UGT2A2: variants seen among roughly 807,000 people sequenced by gnomAD.
UGT2A2 encodes UDP-glucuronosyltransferase 2A2.
UGT2A2 carries 60 observed loss-of-function variants against 50.7 expected under a neutral mutation model. That is an observed-to-expected ratio of 1.18 (90% CI 0.96 to 1.47). The LOEUF is 1.47. Ranked by LOEUF, UGT2A2 falls within the 40% of genes most tolerant of loss-of-function variation. The pLI is 0.00. For missense variants in UGT2A2, 762 were observed against 634.0 expected, an observed-to-expected ratio of 1.20 and a Z score of -2.17; for synonymous variants, 242 against 214.6, an observed-to-expected ratio of 1.13 and a Z score of -1.11.
At chr4:69,598,470 C>A (rs1719065362) in intron 2 of UGT2A2, among the ~76,000 whole-genome samples, 1 of 152,040 alleles carries the variant, frequency 6.6e-6, no homozygotes, top group African/African-American at 2.4e-5. Flanking sequence ...TTGTAGCATA[C>A]AATTTCCTTC....
Position 69,599,291 on chromosome 4 carries a change from C to T in UGT2A2, c.846G>A (p.Glu282=). The change falls in exon 2 of 6, where the codon GAG becomes GAA. Residue 282 remains glutamate, a synonymous_variant. Coordinates refer to ENST00000604629, the MANE Select transcript of UGT2A2 (RefSeq NM_001105677.2). ...EFPRPYLPNF[E]FVGGLHCKPA... ...GTTTGCAGTGCAATCCTCCAACAAACTCAAAATTAGGTAAGTATGGACGAG... is the reference window on the plus strand; with the variant it reads ...GTTTGCAGTGCAATCCTCCAACAAATTCAAAATTAGGTAAGTATGGACGAG... The T allele has an allele frequency of 6.2e-7, 1 of 1,613,780 alleles. No homozygotes were observed. Among genetic ancestry groups the T allele is most frequent in the Non-Finnish European group, 8.5e-7 (1 of 1,179,906 alleles).
rs936057890 is a variant in UGT2A2 at position 69,588,816 on chromosome 4, G to A, written c.*556C>T. On this transcript the variant is annotated 3_prime_UTR_variant, in exon 6 of 6. Transcript: ENST00000604629. ...TTGTAGACATTTAATAGGGACGCAC[G>A]TCACACTTAAAATTCATTCTCTAAC... The A allele has an allele frequency of 2.6e-5, 4 of 152,028 alleles. No homozygotes were observed. Among genetic ancestry groups the A allele is most frequent in the Admixed American group, 6.6e-5 (1 of 15,248 alleles). The allele number at this position is 152,028 out of a possible 1,614,324, so 9.4% of individuals were successfully genotyped here.
At chr4:69,628,971 T>C (rs1473226135) in intron 1 of UGT2A2, among the ~76,000 whole-genome samples, 2 of 151,870 alleles carry the variant, frequency 1.3e-5, no homozygotes, top group Admixed American at 6.6e-5. Flanking sequence ...TGAACCCAAA[T>C]TGATACCAAA....
chr4:69,606,116 A>AG lies in UGT2A2; in HGVS notation c.743-6723_743-6722insC, dbSNP rs1719595663. On this transcript the variant is annotated intron_variant, in intron 1 of 5. Transcript: ENST00000604629. ...GATATCAAAGCCTGGCAGAGACACA[A>AG]CAAAAAAAGAGAATTTTAGACCAAT... 1.7e-5 allele frequency among the ~76,000 whole-genome samples: 2 copies of AG among 117,074 alleles called. 1 individual carries two copies. Among genetic ancestry groups the AG allele is most frequent in the African/African-American group, 6.8e-5 (2 of 29,436 alleles). 76.8% of individuals were successfully genotyped at this position (117,074 alleles called of 152,430 possible).
intron 1 of UGT2A2, among the ~76,000 whole-genome samples, chr4:69,607,538 G>A (rs1487722437): frequency 6.6e-6 from 1 of 151,792 alleles, no homozygotes; most frequent in African/African-American, 2.4e-5. Flanking sequence ...AACACCAAAA[G>A]CAATGGCAAC....
chr4:69,614,908 C>A (rs1020007899), intron 1 of UGT2A2, among the ~76,000 whole-genome samples: 1 of 151,984 alleles, frequency 6.6e-6, no homozygotes, highest in African/African-American at 2.4e-5. Context: ...AGGCCTCAGA[C>A]AACTTACAAT....
intron 1 of UGT2A2, among the ~76,000 whole-genome samples, chr4:69,630,753 T>C (rs1394207987): frequency 6.6e-6 from 1 of 152,128 alleles, no homozygotes; most frequent in Non-Finnish European, 1.5e-5. Flanking sequence ...CGAACTGGTA[T>C]ACAGACCCTA....
chr4:69,631,736 A>G (rs1457523574), intron 1 of UGT2A2, among the ~76,000 whole-genome samples: 2 of 152,184 alleles, frequency 1.3e-5, no homozygotes, highest in South Asian at 4.2e-4. Flanking sequence ...TAGCCACTAC[A>G]TCAGGGTATT....
chr4:69,596,509 C>T (rs1718942189), intron 2 of UGT2A2, 128 bp from the exon 3 acceptor site: 1 of 1,267,052 alleles, frequency 7.9e-7, no homozygotes, highest in Non-Finnish European at 1.0e-6. Flanking sequence ...TGTCTTCTGA[C>T]ATGTAGAAAG....
intron 1 of UGT2A2, among the ~76,000 whole-genome samples, chr4:69,626,812 T>A (rs1721086712): frequency 6.6e-6 from 1 of 151,866 alleles, no homozygotes. Context: ...GTTCTATTCA[T>A]TCATACTAAT....
chr4:69,638,211 C>G (rs1419404829), intron 1 of UGT2A2, among the ~76,000 whole-genome samples: 1 of 151,900 alleles, frequency 6.6e-6, no homozygotes, highest in Non-Finnish European at 1.5e-5. Context: ...GAGGCAAAAT[C>G]ATCAAGAGAG....
chr4:69,638,183 C>A (rs1033385537), intron 1 of UGT2A2, among the ~76,000 whole-genome samples: 1 of 151,852 alleles, frequency 6.6e-6, no homozygotes, highest in African/African-American at 2.4e-5. Context: ...ATTAGTGTCC[C>A]GAGTACTAAG....
intron 1 of UGT2A2, among the ~76,000 whole-genome samples, chr4:69,616,799 T>C (rs916856978): frequency 6.6e-6 from 1 of 151,074 alleles, no homozygotes; most frequent in Non-Finnish European, 1.5e-5. Flanking sequence ...CAAAAGCTAA[T>C]GACACTTTCT....
intron 1 of UGT2A2, among the ~76,000 whole-genome samples, chr4:69,601,425 C>T (rs1034815112): frequency 6.6e-6 from 1 of 152,132 alleles, no homozygotes; most frequent in African/African-American, 2.4e-5. Flanking sequence ...AAGGCAAGCA[C>T]AAAACTCACT....
chr4:69,631,385 A>C (rs1430956142), intron 1 of UGT2A2, among the ~76,000 whole-genome samples: 1 of 152,160 alleles, frequency 6.6e-6, no homozygotes, highest in Admixed American at 6.5e-5. Context: ...ATTAGTAATA[A>C]TAATCCAAAT....
In UGT2A2 at chr4:69,595,178, G is replaced by A; in HGVS notation, c.1095C>T (p.Pro365=). The A allele has an allele frequency of 6.2e-7, 1 of 1,613,742 alleles. No homozygotes were observed. The highest frequency in any genetic ancestry group is 1.7e-5 in the Admixed American group (1 of 60,006). ...GNNTQLFDWI[P]QNDLLGHPKT... ...CAGTCTTACCAAGAAGATCATTCTG[G>A]GGTATCCAATCAAAGAGCTGAGTAT... Residue 365 remains proline, a synonymous_variant, in exon 4 of 6, where the codon CCC becomes CCT. Transcript: ENST00000604629.
At chr4:69,633,883 G>T (rs1721522893) in intron 1 of UGT2A2, among the ~76,000 whole-genome samples, 1 of 151,960 alleles carries the variant, frequency 6.6e-6, no homozygotes, top group Non-Finnish European at 1.5e-5. Context: ...GCAAGGGTGG[G>T]GTTACTTCGT....
chr4:69,632,885 C>CAA (rs199639033), intron 1 of UGT2A2, among the ~76,000 whole-genome samples: 2,249 of 87,542 alleles, frequency 0.026, 64 homozygotes, highest in African/African-American at 0.084. Flanking sequence ...AAGACTCGGT[C>CAA]AAAAAAAAAA....
intron 5 of UGT2A2, among the ~76,000 whole-genome samples, chr4:69,590,060 A>G (rs1320999459): frequency 6.6e-6 from 1 of 152,186 alleles, no homozygotes; most frequent in Non-Finnish European, 1.5e-5. Context: ...GCTAGTTCAT[A>G]TGACAGACAA....
Sources: allele counts gnomAD v4.1 joint callset (sites outside exome capture counted in the v4.1 genomes callset), GRCh38; gene constraint gnomAD v4.1.1; transcripts MANE v1.5; gene names NCBI Gene and HGNC (gene_info 2026-07-23, HGNC 2026-07-21).